Variants in PATJ observed in about 807,000 individuals in gnomAD.
PATJ encodes PATJ crumbs cell polarity complex component, also known as inaD-like protein.
Under a neutral mutation model 224.9 loss-of-function variants are expected in PATJ, and 190 were observed. The ratio of observed to expected loss-of-function variants is 0.84; its 90% CI spans 0.75 to 0.95. The LOEUF (loss-of-function observed/expected upper bound fraction) is 0.95, where lower values mean the gene tolerates loss of function less well. PATJ is among the 40% of genes least tolerant of loss of function. The probability of loss-of-function intolerance (pLI) is 0.00; values close to 1 mark genes in which losing one functional copy is unlikely to be tolerated. For synonymous variants in PATJ, 769 were observed against 820.3 expected (o/e 0.94, Z 1.07); for missense variants, 2,121 against 2,270.3 (o/e 0.93, Z 1.34).
intron 33 of PATJ, among the ~76,000 whole-genome samples, chr1:62,088,589 A>G (rs2148778688): frequency 6.6e-6 from 1 of 152,052 alleles, no homozygotes; most frequent in South Asian, 2.1e-4. Context: ...CTCTCAGTCT[A>G]TTTCCTGCTC....
chr1:62,044,083 T>C (rs535256417), intron 30 of PATJ, among the ~76,000 whole-genome samples: 26 of 152,304 alleles, frequency 1.7e-4, no homozygotes, highest in African/African-American at 4.6e-4. Context: ...ATAATTAACA[T>C]ATGTATTTCT....
intron 27 of PATJ, among the ~76,000 whole-genome samples, chr1:61,987,522 A>C (rs1360576816): frequency 1.3e-5 from 2 of 152,160 alleles, no homozygotes; most frequent in Non-Finnish European, 2.9e-5. Flanking sequence ...TCCAATAAAC[A>C]AAGCAGATGA....
At chr1:62,043,587 A>G (rs2148542759) in intron 30 of PATJ, among the ~76,000 whole-genome samples, 1 of 152,298 alleles carries the variant, frequency 6.6e-6, no homozygotes, top group African/African-American at 2.4e-5. Flanking sequence ...CCTCTAGTAG[A>G]ACTCCCAGCC....
intron 27 of PATJ, among the ~76,000 whole-genome samples, chr1:61,967,039 C>G (rs531908676): frequency 2.6e-5 from 4 of 152,242 alleles, no homozygotes; most frequent in South Asian, 2.1e-4. Context: ...ACTTAGAATG[C>G]CTTCAACATC....
At chr1:62,039,077 G>A in intron 30 of PATJ, 1 of 807,054 alleles carries the variant, frequency 1.2e-6, no homozygotes, top group Middle Eastern at 3.1e-4. Context: ...AAGCATGATG[G>A]CTTCACAGTG....
intron 14 of PATJ, among the ~76,000 whole-genome samples, chr1:61,809,186 A>G (rs971661885): frequency 6.6e-6 from 1 of 152,158 alleles, no homozygotes; most frequent in African/African-American, 2.4e-5. Context: ...CTGTCACTAA[A>G]CATTCCCATT....
intron 8 of PATJ, among the ~76,000 whole-genome samples, chr1:61,791,047 C>G (rs1378422031): frequency 6.6e-6 from 1 of 152,212 alleles, no homozygotes; most frequent in Non-Finnish European, 1.5e-5. Flanking sequence ...ATCTTCAAAC[C>G]ACAAGTTGAG....
At chr1:62,071,247 A>G (rs936062041) in intron 31 of PATJ, among the ~76,000 whole-genome samples, 2 of 152,118 alleles carry the variant, frequency 1.3e-5, no homozygotes, top group Non-Finnish European at 2.9e-5. Context: ...TGGGCTCTGC[A>G]CTAGTCCCCT....
intron 37 of PATJ, among the ~76,000 whole-genome samples, chr1:62,118,932 G>A (rs1028115658): frequency 6.6e-6 from 1 of 151,188 alleles, no homozygotes; most frequent in Non-Finnish European, 1.5e-5. Flanking sequence ...GCGCCCAGCC[G>A]CATCTTCATA....
intron 32 of PATJ, among the ~76,000 whole-genome samples, chr1:62,084,043 C>T (rs1375561128): frequency 6.6e-6 from 1 of 152,136 alleles, no homozygotes; most frequent in African/African-American, 2.4e-5. Flanking sequence ...CACCTGAGGC[C>T]AGGAGTCCGA....
In PATJ at chr1:61,833,699, G is replaced by T; in HGVS notation, c.2026G>T (p.Glu676Ter). The change falls in exon 17 of 44, where the codon GAA (glutamate) becomes TAA (stop). Residue 676 changes from glutamate (E) to a stop codon, truncating the protein, a stop_gained. Transcript: ENST00000642238. LOFTEE classifies it high-confidence loss of function. ...CAATACTGAAGAAGATGATGATGGG[G>T]AATTAGCACTGTGGTCCCCTGAAGT... ...DVNTEEDDDG[E>*]LALWSPEVKI... 1 of 1,613,392 alleles carries T rather than the reference G, an allele frequency of 6.2e-7. No homozygotes were observed.
chr1:61,761,682 AT>A (rs879603879), intron 1 of PATJ, among the ~76,000 whole-genome samples: 399 of 141,678 alleles, frequency 2.8e-3, no homozygotes, highest in East Asian at 2.7e-3. Context: ...GTGTTCCTCT[AT>A]TTTTTTTTTT....
intron 17 of PATJ, among the ~76,000 whole-genome samples, chr1:61,837,789 T>TAA (rs79022630): frequency 0.059 from 7,367 of 124,832 alleles, 238 homozygotes; most frequent in Middle Eastern, 0.068. Flanking sequence ...GACTCTGTCT[T>TAA]AAAAAAAAAA....
At chr1:61,991,849 C>A in intron 28 of PATJ, 1 of 525,258 alleles carries the variant, frequency 1.9e-6, no homozygotes, top group Non-Finnish European at 2.4e-6. Context: ...AAAAGTGATG[C>A]TGGTAGTAAA....
intron 3 of PATJ, among the ~76,000 whole-genome samples, chr1:61,765,566 A>T (rs1015553242): frequency 1.3e-5 from 2 of 151,894 alleles, no homozygotes; most frequent in African/African-American, 4.8e-5. Context: ...TGTATTTTTG[A>T]TAGCGATGGG....
intron 25 of PATJ, among the ~76,000 whole-genome samples, chr1:61,910,468 TTGA>T (rs1672455523): frequency 6.6e-6 from 1 of 151,996 alleles, no homozygotes; most frequent in East Asian, 1.9e-4. Flanking sequence ...GCATATCCCA[TTGA>T]TGATGTTAAT....
chr1:61,958,733 A>G (rs560141820), intron 27 of PATJ, among the ~76,000 whole-genome samples: 11 of 152,316 alleles, frequency 7.2e-5, no homozygotes, highest in Middle Eastern at 3.4e-3. Flanking sequence ...GAGAATATGG[A>G]GGCCCAGAAA....
chr1:62,075,688 A>G (rs752538970), intron 31 of PATJ, among the ~76,000 whole-genome samples: 5 of 152,052 alleles, frequency 3.3e-5, no homozygotes, highest in Non-Finnish European at 7.4e-5. Flanking sequence ...GGAGGCCGAG[A>G]TGGGTGGATC....
intron 20 of PATJ, among the ~76,000 whole-genome samples, chr1:61,870,136 A>G (rs1283545899): frequency 6.6e-6 from 1 of 152,172 alleles, no homozygotes; most frequent in African/African-American, 2.4e-5. Context: ...TCTGGTATCC[A>G]GGAAAAATGA....
Sources: allele counts gnomAD v4.1 joint callset (sites outside exome capture counted in the v4.1 genomes callset), GRCh38; gene constraint gnomAD v4.1.1; transcripts MANE v1.5; gene names NCBI Gene and HGNC (gene_info 2026-07-23, HGNC 2026-07-21).